Variants in GATAD2B observed in about 807,000 individuals in gnomAD.
GATAD2B encodes the protein transcriptional repressor p66-beta.
A neutral mutation model predicts 64.3 loss-of-function variants in GATAD2B; 8 were observed. That is an observed-to-expected ratio of 0.12 (90% CI 0.07 to 0.22). GATAD2B has a LOEUF of 0.22. Among genes scored for constraint, GATAD2B ranks in the 10% least tolerant of loss-of-function variants. The pLI is 1.00. For missense variants in GATAD2B, 453 were observed against 752.0 expected (o/e 0.60, Z 4.65); for synonymous variants, 281 against 271.3 (o/e 1.04, Z -0.35).
chr1:153,834,936 A>G (rs1469709851), intron 1 of GATAD2B, among the ~76,000 whole-genome samples: 2 of 151,938 alleles, frequency 1.3e-5, no homozygotes, highest in African/African-American at 4.8e-5. Flanking sequence ...CCTGGACAAC[A>G]AAGTGAGACC....
intron 1 of GATAD2B, among the ~76,000 whole-genome samples, chr1:153,873,515 G>A (rs1676733493): frequency 2.0e-5 from 3 of 152,196 alleles, no homozygotes; most frequent in Admixed American, 2.0e-4. Context: ...CAATGTGGCT[G>A]TCTCTCGTTA....
At position 153,810,795 on chromosome 1, in the gene GATAD2B, G is replaced by A. The variant is rs117349495; in HGVS notation, c.1649-485C>T. Among the ~76,000 whole-genome samples the A allele has an allele frequency of 1.6e-4, 24 of 149,530 alleles. No individual in the cohort carries two copies. The East Asian group carries it at 4.3e-3, about 27-fold the overall frequency. On this transcript the variant is annotated intron_variant, in intron 10 of 10. Transcript: ENST00000368655. ...GCTTATTTATCTGAGACAGAATTTC[G>A]CTCGTTGCCCAGGCTGGAGGTGCAG...
chr1:153,891,990 C>T (rs190844836), intron 1 of GATAD2B, among the ~76,000 whole-genome samples: 4 of 151,578 alleles, frequency 2.6e-5, no homozygotes, highest in East Asian at 1.9e-4. Context: ...GGTGAAGCCC[C>T]GTATCTACTA....
intron 1 of GATAD2B, among the ~76,000 whole-genome samples, chr1:153,844,550 A>G (rs1317632605): frequency 5.3e-5 from 8 of 152,178 alleles, no homozygotes; most frequent in African/African-American, 1.9e-4. Context: ...GAATTTGATT[A>G]AAGATTAACA....
At chr1:153,868,781 G>C (rs1166343664) in intron 1 of GATAD2B, among the ~76,000 whole-genome samples, 2 of 149,586 alleles carry the variant, frequency 1.3e-5, no homozygotes, top group Non-Finnish European at 3.0e-5. Context: ...CGTCACCCAG[G>C]GTGGAGTGCA....
chr1:153,838,205 A>T (rs1675341492), intron 1 of GATAD2B, among the ~76,000 whole-genome samples: 1 of 152,188 alleles, frequency 6.6e-6, no homozygotes, highest in African/African-American at 2.4e-5. Context: ...AGAAGCAAGT[A>T]CTGTGTATTC....
intron 1 of GATAD2B, among the ~76,000 whole-genome samples, chr1:153,846,556 TC>T (rs1341501822): frequency 1.1e-4 from 16 of 146,912 alleles, no homozygotes; most frequent in East Asian, 9.9e-4. Context: ...TTCTTTGCGT[TC>T]TTTTTTTTTT....
At chr1:153,823,440 G>A (rs1674753385) in intron 2 of GATAD2B, among the ~76,000 whole-genome samples, 1 of 152,134 alleles carries the variant, frequency 6.6e-6, no homozygotes, top group Non-Finnish European at 1.5e-5. Context: ...CCCAACTGAT[G>A]GCAAAATAAG....
At chr1:153,912,861 G>A (rs1678146175) in intron 1 of GATAD2B, among the ~76,000 whole-genome samples, 1 of 152,062 alleles carries the variant, frequency 6.6e-6, no homozygotes, top group African/African-American at 2.4e-5. Flanking sequence ...GGGAGGTCGA[G>A]GCAGGCGGAT....
intron 1 of GATAD2B, among the ~76,000 whole-genome samples, chr1:153,864,387 C>T (rs1170351460): frequency 6.6e-6 from 1 of 152,122 alleles, no homozygotes; most frequent in Admixed American, 6.6e-5. Flanking sequence ...GAGGTGGAGG[C>T]GGGAGGAGAG....
At chr1:153,827,659 G>C in intron 2 of GATAD2B, 1 of 218,918 alleles carries the variant, frequency 4.6e-6, no homozygotes. Flanking sequence ...TAAAACTCCT[G>C]GAATTATCTG....
intron 1 of GATAD2B, among the ~76,000 whole-genome samples, chr1:153,905,853 G>C (rs2101964399): frequency 6.6e-6 from 1 of 151,506 alleles, no homozygotes; most frequent in Admixed American, 6.6e-5. Flanking sequence ...GATCACCTGA[G>C]GTCAAGAGTT....
chr1:153,896,744 G>A (rs532053330), intron 1 of GATAD2B, among the ~76,000 whole-genome samples: 1 of 151,776 alleles, frequency 6.6e-6, no homozygotes, highest in Non-Finnish European at 1.5e-5. Flanking sequence ...CCATGAACAA[G>A]AAAATTTTCA....
At chr1:153,882,778 A>G (rs973603457) in intron 1 of GATAD2B, among the ~76,000 whole-genome samples, 1 of 152,180 alleles carries the variant, frequency 6.6e-6, no homozygotes, top group Admixed American at 6.6e-5. Context: ...TCCAGATGCT[A>G]GACATACCTA....
At chr1:153,850,583 A>G (rs2101909998) in intron 1 of GATAD2B, among the ~76,000 whole-genome samples, 1 of 152,110 alleles carries the variant, frequency 6.6e-6, no homozygotes, top group South Asian at 2.1e-4. Context: ...TACAGGTGTG[A>G]GCCACTGCGC....
At chr1:153,916,395 T>G (rs1194462874) in intron 1 of GATAD2B, among the ~76,000 whole-genome samples, 1 of 151,972 alleles carries the variant, frequency 6.6e-6, no homozygotes, top group Non-Finnish European at 1.5e-5. Context: ...CAGAAGAAGC[T>G]AGATTCAGAA....
At chr1:153,818,549 C>T (rs1343688456) in intron 4 of GATAD2B, among the ~76,000 whole-genome samples, 18 of 151,802 alleles carry the variant, frequency 1.2e-4, no homozygotes, top group Admixed American at 9.2e-4. Context: ...CTCCTGACCT[C>T]GTGATCCACC....
intron 1 of GATAD2B, among the ~76,000 whole-genome samples, chr1:153,916,847 T>G (rs1158713706): frequency 6.6e-6 from 1 of 152,160 alleles, no homozygotes; most frequent in Non-Finnish European, 1.5e-5. Flanking sequence ...CTCACTCTGT[T>G]GACCAGGCTA....
intron 1 of GATAD2B, among the ~76,000 whole-genome samples, chr1:153,883,223 C>T (rs745712384): frequency 4.6e-5 from 7 of 152,110 alleles, no homozygotes; most frequent in Admixed American, 2.6e-4. Flanking sequence ...CTTCACCCTA[C>T]GCAAAAATAT....
Sources: allele counts gnomAD v4.1 joint callset (sites outside exome capture counted in the v4.1 genomes callset), GRCh38; gene constraint gnomAD v4.1.1; transcripts MANE v1.5; gene names NCBI Gene and HGNC (gene_info 2026-07-23, HGNC 2026-07-21).